The following ZNF44 variants were observed in gnomAD, a reference collection of about 807,000 sequenced individuals.
ZNF44 encodes zinc finger protein 44.
Under a neutral mutation model 11.7 loss-of-function variants are expected in ZNF44, and 9 were observed. That is an observed-to-expected ratio of 0.77 (90% CI 0.46 to 1.35). ZNF44 has a LOEUF of 1.35. ZNF44 is among the 40% of genes most tolerant of loss of function. The pLI, the probability that ZNF44 is intolerant of heterozygous loss-of-function variation, is 0.00. For missense variants in ZNF44, 696 were observed against 743.1 expected (o/e 0.94, Z 0.74); for synonymous variants, 224 against 242.7 (o/e 0.92, Z 0.72).
At chr19:12,263,702 G>T (rs1458121329) in intron 5 of ZNF44, among the ~76,000 whole-genome samples, 1 of 151,974 alleles carries the variant, frequency 6.6e-6, no homozygotes, top group Non-Finnish European at 1.5e-5. Flanking sequence ...GAGGCGGGCG[G>T]ATCACGAGGT....
At chr19:12,243,194 C>G (rs1040544384), downstream of ZNF44, among the ~76,000 whole-genome samples, 3 of 152,106 alleles carry the variant, frequency 2.0e-5, no homozygotes, top group African/African-American at 7.2e-5. Flanking sequence ...TCATGATGTA[C>G]AGTTATGTTT....
downstream of ZNF44, among the ~76,000 whole-genome samples, chr19:12,267,829 T>C (rs964492908): frequency 7.7e-6 from 1 of 130,508 alleles, no homozygotes; most frequent in Non-Finnish European, 1.6e-5. Context: ...CCTTGACAGA[T>C]TGTCTTTTTT....
intron 2 of ZNF44, among the ~76,000 whole-genome samples, chr19:12,231,084 G>T (rs1916143581): frequency 6.6e-6 from 1 of 152,112 alleles, no homozygotes; most frequent in Admixed American, 6.5e-5. Context: ...TTAAAATGAG[G>T]TGCTTGTCCA....
intron 5 of ZNF44, among the ~76,000 whole-genome samples, chr19:12,263,601 C>G (rs1917604649): frequency 2.0e-5 from 3 of 152,004 alleles, no homozygotes; most frequent in Admixed American, 1.3e-4. Flanking sequence ...TATCAAAACC[C>G]TGTCTCTACA....
intron 5 of ZNF44, among the ~76,000 whole-genome samples, chr19:12,252,683 C>A (rs1917056203): frequency 6.6e-6 from 1 of 151,204 alleles, no homozygotes; most frequent in Admixed American, 6.6e-5. Flanking sequence ...AGAAAGAGGG[C>A]TTGGGATAGC....
intron 1 of ZNF44, among the ~76,000 whole-genome samples, chr19:12,235,303 A>G (rs1271386829): frequency 6.6e-6 from 1 of 152,206 alleles, no homozygotes; most frequent in Non-Finnish European, 1.5e-5. Flanking sequence ...TGGGAGGCGG[A>G]GCTTGCAGTG....
At chr19:12,274,254 G>C (rs1201304670) in intron 3 of ZNF44, among the ~76,000 whole-genome samples, 191 bp from the exon 4 acceptor site, 2 of 151,474 alleles carry the variant, frequency 1.3e-5, no homozygotes, top group Admixed American at 6.6e-5. Context: ...ATGCACATGG[G>C]GATTCTTAAT....
chr19:12,280,330 T>C (rs1177546434), intron 1 of ZNF44, among the ~76,000 whole-genome samples: 1 of 152,184 alleles, frequency 6.6e-6, no homozygotes, highest in Admixed American at 6.6e-5. Context: ...TCTATCACAC[T>C]TCGGAACTGT....
rs1465613020 is a variant in ZNF44 at position 12,276,000 on chromosome 19, TAG to T, written c.84_85del (p.Tyr29GlnfsTer9). ...AATGGTTTCTCGCATCACATCTCTGTAGAGATTCTTCTGTGATGGACCCAGCA... is the reference window on the plus strand; with the variant it reads ...AATGGTTTCTCGCATCACATCTCTGTAGATTCTTCTGTGATGGACCCAGCA... On this transcript the variant is annotated frameshift_variant, in exon 2 of 4. Transcript: ENST00000355684. LOFTEE classifies it high-confidence loss of function. 3.1e-6 allele frequency: 5 copies of T among 1,609,318 alleles called. No individual in the cohort carries two copies. The highest frequency in any genetic ancestry group is 4.2e-6 in the Non-Finnish European group (5 of 1,176,834).
At chr19:12,262,597 C>A (rs997100095) in intron 5 of ZNF44, among the ~76,000 whole-genome samples, 3 of 152,068 alleles carry the variant, frequency 2.0e-5, no homozygotes, top group Admixed American at 2.0e-4. Flanking sequence ...AAGAGTAGAG[C>A]CTTTTAAATG....
intron 1 of ZNF44, among the ~76,000 whole-genome samples, chr19:12,293,923 A>T (rs1968124344): frequency 1.3e-5 from 2 of 152,216 alleles, no homozygotes; most frequent in African/African-American, 2.4e-5. Flanking sequence ...CCGGGCTCAC[A>T]GGAACTGCGA....
At chr19:12,246,250 T>C (rs1416884506), downstream of ZNF44, among the ~76,000 whole-genome samples, 3 of 152,210 alleles carry the variant, frequency 2.0e-5, no homozygotes, top group African/African-American at 7.2e-5. Flanking sequence ...CCAACCTAGA[T>C]TGTGTTGTCC....
intron 1 of ZNF44, among the ~76,000 whole-genome samples, chr19:12,283,990 A>C (rs1967603463): frequency 6.6e-6 from 1 of 152,206 alleles, no homozygotes; most frequent in African/African-American, 2.4e-5. Context: ...TTATCTAAAA[A>C]AATAAAAAAT....
At chr19:12,240,895 T>C (rs1198237431), upstream of ZNF44, among the ~76,000 whole-genome samples, 1 of 152,190 alleles carries the variant, frequency 6.6e-6, no homozygotes, top group African/African-American at 2.4e-5. Flanking sequence ...ATTTCTTGGA[T>C]ATGAAATCTA....
At chr19:12,280,481 T>C (rs1248823869) in intron 1 of ZNF44, among the ~76,000 whole-genome samples, 3 of 151,974 alleles carry the variant, frequency 2.0e-5, no homozygotes, top group Admixed American at 1.3e-4. Context: ...ATATATAATA[T>C]AGAAAATAAA....
At chr19:12,228,038 T>C (rs1329356118) in intron 3 of ZNF44, among the ~76,000 whole-genome samples, 1 of 152,202 alleles carries the variant, frequency 6.6e-6, no homozygotes, top group Non-Finnish European at 1.5e-5. Flanking sequence ...GAGAAACCCG[T>C]TGTGTTTTTA....
rs1399775580 is a variant in ZNF44, at chr19:12,277,525, AC to A, written c.4-1444del. On this transcript the variant is annotated intron_variant, in intron 1 of 3. Coordinates refer to ENST00000355684, the MANE Select transcript of ZNF44 (RefSeq NM_016264.4). ...AAATGTCTAAAGATGCTTAAAAAAA[AC>A]CTTCTCATCAAGAAAGTAGACAGCT... Among the ~76,000 whole-genome samples the A allele has an allele frequency of 6.6e-5, 10 of 152,358 alleles. No individual in the cohort carries two copies. In the East Asian group the frequency reaches 1.9e-3, roughly 29 times the overall value.
chr19:12,260,346 A>G (rs906691839), intron 5 of ZNF44: 1 of 1,032,304 alleles, frequency 9.7e-7, no homozygotes, highest in Non-Finnish European at 1.5e-6. Context: ...GAAGCCTGCC[A>G]CCTCCTACGC....
At chr19:12,263,416 A>C (rs767757328) in intron 5 of ZNF44, among the ~76,000 whole-genome samples, 6 of 152,028 alleles carry the variant, frequency 3.9e-5, no homozygotes, top group Admixed American at 6.6e-5. Context: ...TCCAGGAGAC[A>C]AAAGTCCTAA....
Sources: allele counts gnomAD v4.1 joint callset (sites outside exome capture counted in the v4.1 genomes callset), GRCh38; gene constraint gnomAD v4.1.1; transcripts MANE v1.5; gene names NCBI Gene and HGNC (gene_info 2026-07-23, HGNC 2026-07-21).